Variants in COL19A1 observed in about 807,000 individuals in gnomAD.
COL19A1 encodes the protein collagen alpha-1(XIX) chain.
COL19A1 carries 159 observed loss-of-function variants against 190.2 expected under a neutral mutation model. That is an observed-to-expected ratio of 0.84 (90% confidence interval 0.73 to 0.95). COL19A1 has a LOEUF of 0.95. COL19A1 is among the 40% of genes least tolerant of loss of function. The probability of loss-of-function intolerance (pLI) is 0.00; values close to 1 mark genes in which losing one functional copy is unlikely to be tolerated. For synonymous variants in COL19A1, 509 were observed against 458.9 expected (o/e 1.11, Z -1.39); for missense variants, 1,418 against 1,431.9 (o/e 0.99, Z 0.16).
intron 4 of COL19A1, among the ~76,000 whole-genome samples, chr6:69,914,532 C>A (rs776709894): frequency 6.6e-6 from 1 of 152,142 alleles, no homozygotes; most frequent in African/African-American, 2.4e-5. Context: ...CACACTTACT[C>A]GGAATGGCAG....
At chr6:70,067,726 A>G (rs544991639) in intron 14 of COL19A1, among the ~76,000 whole-genome samples, 1 of 152,236 alleles carries the variant, frequency 6.6e-6, no homozygotes, top group African/African-American at 2.4e-5. Context: ...AAGAAGCAGC[A>G]GGAAAGAAGT....
intron 11 of COL19A1, among the ~76,000 whole-genome samples, chr6:69,989,214 T>C (rs1039757886): frequency 2.0e-5 from 3 of 152,136 alleles, no homozygotes; most frequent in Admixed American, 1.3e-4. Flanking sequence ...AAAAGTACAA[T>C]GCCGGGGTTC....
chr6:69,955,533 G>GTT (rs1774365227), intron 9 of COL19A1, among the ~76,000 whole-genome samples: 1 of 150,326 alleles, frequency 6.7e-6, no homozygotes, highest in African/African-American at 2.4e-5. Context: ...GTGTGTGTGT[G>GTT]TGTGTGTGTG....
rs1460063086 is a variant in COL19A1, at chr6:70,145,785, A to G, written c.1770+778A>G. Among the ~76,000 whole-genome samples the G allele has an allele frequency of 6.9e-5, 10 of 144,256 alleles. No individual in the cohort carries two copies. The Admixed American group carries it at 7.3e-4, about 10-fold the overall frequency. The allele number at this position is 144,256 out of a possible 152,430, so 94.6% of individuals were successfully genotyped here. On this transcript the variant is annotated intron_variant, in intron 25 of 50. Transcript: ENST00000620364. ...ACCCAGGCTAGAGTGCAGTGGTACA[A>G]TTATGGATCACTGCAGCCTCCACCT...
intron 14 of COL19A1, among the ~76,000 whole-genome samples, chr6:70,057,891 A>G (rs1780596926): frequency 6.6e-6 from 1 of 152,104 alleles, no homozygotes; most frequent in Admixed American, 6.6e-5. Context: ...CTTAGCAGTC[A>G]TTCATCCATT....
chr6:70,156,423 A>T, intron 33 of COL19A1, 54 bp downstream of exon 33: 2 of 1,543,032 alleles, frequency 1.3e-6, no homozygotes, highest in Non-Finnish European at 1.8e-6. Flanking sequence ...TTAGTATGAA[A>T]AAAAGAACCC....
At position 70,207,235 on chromosome 6, in the gene COL19A1, T is replaced by C. The variant is rs1767939659; in HGVS notation, c.3390T>C (p.Tyr1130=). Residue 1130 remains tyrosine, a synonymous_variant, in exon 51 of 51, where the codon TAT becomes TAC. Coordinates refer to ENST00000620364, the MANE Select transcript of COL19A1 (RefSeq NM_001858.6). The part of the protein sequence containing the change: ...SGRCNPEDCL[Y]PVSHAHQRTG... The stretch of plus-strand genomic sequence containing the variant: ...GATGTAACCCAGAAGATTGCCTCTA[T>C]CCTGTGTCTCATGCCCATCAGCGCA... The C allele has an allele frequency of 5.0e-6, 8 of 1,613,994 alleles. No homozygotes were observed. In the African/African-American group the frequency reaches 6.7e-5, roughly 13 times the overall value.
chr6:69,988,336 A>G (rs1406418985), intron 11 of COL19A1, among the ~76,000 whole-genome samples: 2 of 152,178 alleles, frequency 1.3e-5, no homozygotes. Context: ...AGGCCAAAAG[A>G]TAAGCATTAC....
intron 14 of COL19A1, among the ~76,000 whole-genome samples, chr6:70,043,368 A>G (rs944630039): frequency 6.6e-6 from 1 of 151,636 alleles, no homozygotes; most frequent in African/African-American, 2.4e-5. Context: ...ATTTTTTTGT[A>G]CTTTTAGTAG....
intron 48 of COL19A1, among the ~76,000 whole-genome samples, chr6:70,197,540 A>T (rs1767285366): frequency 6.6e-6 from 1 of 152,228 alleles, no homozygotes; most frequent in Non-Finnish European, 1.5e-5. Flanking sequence ...CCCCAAGTTC[A>T]TAATTTGATG....
intron 9 of COL19A1, among the ~76,000 whole-genome samples, chr6:69,947,677 C>T (rs1280912855): frequency 1.3e-5 from 2 of 151,724 alleles, no homozygotes; most frequent in Non-Finnish European, 2.9e-5. Context: ...TTTTATTCAC[C>T]TAAAGTTAGC....
intron 13 of COL19A1, among the ~76,000 whole-genome samples, 181 bp from the exon 14 acceptor site, chr6:70,035,723 C>A (rs537771579): frequency 1.1e-4 from 17 of 152,244 alleles, no homozygotes; most frequent in African/African-American, 4.1e-4. Flanking sequence ...ATTTTTATAT[C>A]ATGAAAGCTA....
At chr6:70,003,556 T>C (rs189968272) in intron 11 of COL19A1, among the ~76,000 whole-genome samples, 3 of 152,346 alleles carry the variant, frequency 2.0e-5, no homozygotes, top group Admixed American at 6.5e-5. Flanking sequence ...TGCGTGCTCC[T>C]GTATTGGGTG....
At chr6:70,064,434 T>A (rs1018916709) in intron 14 of COL19A1, among the ~76,000 whole-genome samples, 4 of 152,116 alleles carry the variant, frequency 2.6e-5, no homozygotes, top group Non-Finnish European at 5.9e-5. Context: ...AAACTCTCAA[T>A]AAATTAGGTA....
Position 69,921,319 on chromosome 6 carries a change from AATCATAT to A in COL19A1, c.267-6579_267-6573del, listed in dbSNP as rs988373024. On this transcript the variant is annotated intron_variant, in intron 4 of 50. Coordinates refer to ENST00000620364, the MANE Select transcript of COL19A1 (RefSeq NM_001858.6). The stretch of plus-strand genomic sequence containing the variant: ...ATATATCATATATCATATATCATAT[AATCATAT>A]ATCATATATCTATATATATCATATA... Among the ~76,000 whole-genome samples the A allele has an allele frequency of 2.1e-3, 258 of 123,216 alleles. 2 individuals are homozygous for A. The highest frequency in any genetic ancestry group is 8.2e-3 in the African/African-American group (244 of 29,914). 80.8% of individuals were successfully genotyped at this position (123,216 alleles called of 152,430 possible).
intron 21 of COL19A1, 24 bp from the exon 22 acceptor site, chr6:70,141,999 C>G: frequency 6.2e-7 from 1 of 1,612,352 alleles, no homozygotes; most frequent in Middle Eastern, 1.7e-4. Context: ...AAACATTGAT[C>G]TTTCCTTCCC....
intron 48 of COL19A1, among the ~76,000 whole-genome samples, chr6:70,197,345 C>G (rs1767272258): frequency 6.6e-6 from 1 of 151,924 alleles, no homozygotes; most frequent in Non-Finnish European, 1.5e-5. Context: ...ATGGCGTGAA[C>G]CCGGGAGACG....
intron 11 of COL19A1, among the ~76,000 whole-genome samples, chr6:69,996,038 C>T (rs1449416668): frequency 1.3e-5 from 2 of 152,088 alleles, no homozygotes; most frequent in Non-Finnish European, 2.9e-5. Context: ...GGACTCTGAA[C>T]ACAAATTTAT....
chr6:70,189,572 GA>G (rs1402064640), intron 47 of COL19A1, among the ~76,000 whole-genome samples: 1 of 151,868 alleles, frequency 6.6e-6, no homozygotes, highest in Non-Finnish European at 1.5e-5. Context: ...TAACCATCAA[GA>G]AAAAAATAAT....
Sources: gnomAD v4.1 joint callset for allele counts (sites outside exome capture counted in the v4.1 genomes callset) on GRCh38, gnomAD v4.1.1 for gene constraint, MANE v1.5 for transcripts, NCBI Gene and HGNC (gene_info 2026-07-23, HGNC 2026-07-21) for gene names.